Variants in CPT1A observed in about 807,000 individuals in gnomAD.
The protein encoded by CPT1A is carnitine O-palmitoyltransferase 1, liver isoform.
A neutral mutation model predicts 100.8 loss-of-function variants in CPT1A; 64 were observed. The ratio of observed to expected loss-of-function variants is 0.63; its 90% confidence interval spans 0.52 to 0.78. The LOEUF is 0.78. CPT1A is among the 30% of genes least tolerant of loss of function. The pLI, the probability that CPT1A is intolerant of heterozygous loss-of-function variation, is 0.00. For synonymous variants in CPT1A, 363 were observed against 396.0 expected, an observed-to-expected ratio of 0.92 and a Z score of 0.99; for missense variants, 802 against 1,034.1, an observed-to-expected ratio of 0.78 and a Z score of 3.08.
At chr11:68,760,173 C>T in intron 17 of CPT1A, 52 bp downstream of exon 17, 1 of 1,297,586 alleles carries the variant, frequency 7.7e-7, no homozygotes, top group Non-Finnish European at 1.1e-6. Flanking sequence ...CACCCCATTA[C>T]CCATCCCATC....
At chr11:68,804,202 G>T in intron 4 of CPT1A, 101 bp from the exon 5 acceptor site, 1 of 841,114 alleles carries the variant, frequency 1.2e-6, no homozygotes. Flanking sequence ...GTCCTGGTTA[G>T]TACTTGGATG....
intron 1 of CPT1A, among the ~76,000 whole-genome samples, chr11:68,817,797 G>A (rs925573707): frequency 6.6e-6 from 1 of 150,708 alleles, no homozygotes; most frequent in South Asian, 2.1e-4. Context: ...GCAGGCCAGC[G>A]GGGTCAAGGG....
chr11:68,838,572 T>TTTAAAAAAAAA (rs1491356211), intron 1 of CPT1A, among the ~76,000 whole-genome samples: 2 of 95,514 alleles, frequency 2.1e-5, no homozygotes, highest in African/African-American at 1.0e-4. Context: ...TGCACCTTTT[T>TTTAAAAAAAAA]AAAAAAAAAA....
At chr11:68,772,438 A>T (rs1299153217) in intron 14 of CPT1A, among the ~76,000 whole-genome samples, 1 of 152,176 alleles carries the variant, frequency 6.6e-6, no homozygotes, top group Non-Finnish European at 1.5e-5. Flanking sequence ...TCTGGGATGG[A>T]ATGCTCCCTC....
At chr11:68,788,878 G>A (rs562261560) in intron 9 of CPT1A, among the ~76,000 whole-genome samples, 1 of 152,248 alleles carries the variant, frequency 6.6e-6, no homozygotes, top group East Asian at 1.9e-4. Flanking sequence ...CACTTTGAGG[G>A]TAATTTGTCC....
intron 14 of CPT1A, among the ~76,000 whole-genome samples, chr11:68,766,992 G>A (rs1854825832): frequency 1.3e-5 from 2 of 152,232 alleles, no homozygotes; most frequent in African/African-American, 2.4e-5. Context: ...CGACTACTCC[G>A]CTCTCCCACT....
intron 1 of CPT1A, among the ~76,000 whole-genome samples, chr11:68,838,908 C>T (rs1857090165): frequency 6.6e-6 from 1 of 152,144 alleles, no homozygotes; most frequent in East Asian, 1.9e-4. Flanking sequence ...GCTTATATCG[C>T]TTATTTGTAA....
intron 1 of CPT1A, among the ~76,000 whole-genome samples, chr11:68,835,870 A>AT (rs1228407881): frequency 2.6e-5 from 4 of 152,216 alleles, no homozygotes; most frequent in Non-Finnish European, 5.9e-5. Flanking sequence ...CACATAAAGT[A>AT]TGCAGGATGC....
chr11:68,840,859 G>A (rs1462978505), intron 1 of CPT1A, among the ~76,000 whole-genome samples: 1 of 152,230 alleles, frequency 6.6e-6, no homozygotes, highest in Non-Finnish European at 1.5e-5. Context: ...AGTTCGCCAG[G>A]GCACGGCCAC....
intron 1 of CPT1A, among the ~76,000 whole-genome samples, chr11:68,832,094 G>A (rs1436910227): frequency 6.6e-6 from 1 of 152,096 alleles, no homozygotes; most frequent in Non-Finnish European, 1.5e-5. Flanking sequence ...AGAAAACCAG[G>A]GCTTAGATGT....
intron 13 of CPT1A, among the ~76,000 whole-genome samples, chr11:68,774,369 A>G (rs903724628): frequency 2.0e-5 from 3 of 152,068 alleles, no homozygotes; most frequent in Admixed American, 2.0e-4. Flanking sequence ...GGGTGTTTCA[A>G]ATAGTCACAC....
chr11:68,811,520 T>C (rs1856207205), intron 3 of CPT1A, among the ~76,000 whole-genome samples: 1 of 152,032 alleles, frequency 6.6e-6, no homozygotes, highest in Admixed American at 6.6e-5. Context: ...TTCACTCGCA[T>C]TTGTCTCACA....
intron 5 of CPT1A, among the ~76,000 whole-genome samples, chr11:68,802,572 CA>C (rs1186647571): frequency 1.9e-4 from 28 of 144,260 alleles, no homozygotes; most frequent in South Asian, 2.2e-4. Flanking sequence ...ACTAAAAATA[CA>C]AAAAAAAAAT....
chr11:68,775,273 C>T (rs1855112045), intron 13 of CPT1A, 43 bp downstream of exon 13: 2 of 1,475,468 alleles, frequency 1.4e-6, no homozygotes, highest in Non-Finnish European at 9.5e-7. Flanking sequence ...AAATGTGTTT[C>T]CCATCCCAGG....
At chr11:68,761,278 C>T (rs1425934960) in intron 16 of CPT1A, among the ~76,000 whole-genome samples, 5 of 150,164 alleles carry the variant, frequency 3.3e-5, no homozygotes, top group African/African-American at 9.8e-5. Context: ...TAGTTACTTC[C>T]GTGCGTCTTA....
chr11:68,761,758 C>A, intron 15 of CPT1A, 71 bp from the exon 16 acceptor site: 1 of 1,541,200 alleles, frequency 6.5e-7, no homozygotes, highest in South Asian at 1.1e-5. Context: ...CTAAGTTAGC[C>A]ACCGCACCCG....
intron 1 of CPT1A, among the ~76,000 whole-genome samples, chr11:68,840,377 T>TA (rs1857129665): frequency 6.6e-6 from 1 of 152,196 alleles, no homozygotes. Context: ...TAGAATGAAA[T>TA]AAACATGCTT....
chr11:68,825,923 A>G (rs1856714941), intron 1 of CPT1A, among the ~76,000 whole-genome samples: 1 of 152,140 alleles, frequency 6.6e-6, no homozygotes, highest in Non-Finnish European at 1.5e-5. Context: ...ACAGAGGCCA[A>G]CCCACCCCAG....
At position 68,802,346 on chromosome 11, in the gene CPT1A, GA is replaced by G. The variant is rs953800995; in HGVS notation, c.555+1653del. Among the ~76,000 whole-genome samples the G allele has an allele frequency of 2.8e-5, 4 of 142,174 alleles. No individual in the cohort carries two copies. The Admixed American group carries it at 2.9e-4, about 10-fold the overall frequency. The allele number at this position is 142,174 out of a possible 152,430, so 93.3% of individuals were successfully genotyped here. On this transcript the variant is annotated intron_variant, in intron 5 of 18. Transcript: ENST00000265641. ...CTCCCTCTCCTTTTGTTCAATTAAA[GA>G]AAAAAAAAGACCGAAGCAGGTAGAT...
Sources: gnomAD v4.1 joint callset for allele counts (sites outside exome capture counted in the v4.1 genomes callset) on GRCh38, gnomAD v4.1.1 for gene constraint, MANE v1.5 for transcripts, NCBI Gene and HGNC (gene_info 2026-07-23, HGNC 2026-07-21) for gene names.